Variants in ZNF445 observed in about 807,000 individuals in gnomAD.
ZNF445 encodes zinc finger protein 168.
A neutral mutation model predicts 93.9 loss-of-function variants in ZNF445; 19 were observed. The observed-to-expected ratio is 0.20, with a 90% CI of 0.14 to 0.30. The LOEUF (loss-of-function observed/expected upper bound fraction) is 0.30, where lower values mean the gene tolerates loss of function less well. ZNF445 is among the 10% of genes least tolerant of loss of function. The pLI is 1.00. For synonymous variants in ZNF445, 449 were observed against 446.3 expected (o/e 1.01, Z -0.08); for missense variants, 1,058 against 1,259.4 (o/e 0.84, Z 2.42).
chr3:44,448,318 A>G lies in ZNF445; in HGVS notation c.1353T>C (p.His451=), dbSNP rs1697908066. The stretch of plus-strand genomic sequence containing the variant: ...CCTTTTTGTTCCCTTTCAGTCCACT[A>G]TGAATTCTCTGATGTAGGCTGAAGC... ...IGGFSLHQRI[H]SGLKGNKKDV... The change falls in exon 8 of 8, where the codon CAT becomes CAC. Residue 451 remains histidine (H), a synonymous_variant. Transcript: ENST00000396077. 6.2e-7 allele frequency: 1 copy of G among 1,614,168 alleles called. No homozygotes were observed. Among genetic ancestry groups the G allele is most frequent in the Admixed American group, 1.7e-5 (1 of 60,028 alleles).
rs772959855 is a variant in ZNF445, at chr3:44,446,709, TA to T, written c.2961del (p.Phe987LeufsTer39). On this transcript the variant is annotated frameshift_variant, in exon 8 of 8. Transcript: ENST00000396077. LOFTEE classifies it high-confidence loss of function. This position sits in a 1 kb window ranked among gnomAD's most constrained non-coding sequence, Gnocchi z 4.2. The part of the protein sequence containing the change: ...CHKCSICGKT[F>X]NKSSQLISHK... ...TGGCTAATGAGTTGTGAACTCTTGTTAAAAGTTTTCCCACATATGCTGCATT... is the reference window on the plus strand; with the variant it reads ...TGGCTAATGAGTTGTGAACTCTTGTTAAAGTTTTCCCACATATGCTGCATT... 6.2e-7 allele frequency: 1 copy of T among 1,614,248 alleles called. No individual in the cohort carries two copies. The highest frequency in any genetic ancestry group is 8.5e-7 in the Non-Finnish European group (1 of 1,180,040).
At chr3:44,464,115 G>A (rs1259454955) in intron 1 of ZNF445, among the ~76,000 whole-genome samples, 2 of 151,928 alleles carry the variant, frequency 1.3e-5, no homozygotes, top group Non-Finnish European at 2.9e-5. Flanking sequence ...GTCGCAGTGA[G>A]ACTCCATCTC....
At chr3:44,463,480 C>CT (rs1698148489) in intron 1 of ZNF445, among the ~76,000 whole-genome samples, 1 of 152,192 alleles carries the variant, frequency 6.6e-6, no homozygotes, top group East Asian at 1.9e-4. Context: ...CCTCATGAAA[C>CT]CACAGGAATT....
chr3:44,447,654 C>T lies in ZNF445; in HGVS notation c.2017G>A (p.Gly673Ser), dbSNP rs527990182. 15 of 1,614,052 alleles carry T rather than the reference C, an allele frequency of 9.3e-6. No individual in the cohort carries two copies. The highest frequency in any genetic ancestry group is 1.6e-4 in the Middle Eastern group (1 of 6,062). ...RQSPDCSQPQ[G>S]APAVEKTFLC... ...AATGTTTTCTCCACAGCGGGAGCAC[C>T]CTGGGGCTGACTGCAGTCAGGAGAT... The change falls in exon 8 of 8, where the codon GGT (glycine) becomes AGT (serine). Residue 673 changes from glycine to serine, a missense_variant. This residue lies in a region of ZNF445 where 387 missense variants were observed against 475.7 expected (regional missense o/e 0.81). Transcript: ENST00000396077. The surrounding 1 kb of genome is among the most constrained non-coding windows in gnomAD (Gnocchi z 4.7).
rs2125677814 is a variant in ZNF445 at position 44,445,771 on chromosome 3, A to AAG, written c.*803_*804insCT. On this transcript the variant is annotated 3_prime_UTR_variant, in exon 8 of 8. Coordinates refer to ENST00000396077, the MANE Select transcript of ZNF445 (RefSeq NM_181489.6). ...GTCCACTACACACATCACCATCCAGAATACTGCGTATCCCATTTGTTTGTC... is the reference window on the plus strand; with the variant it reads ...GTCCACTACACACATCACCATCCAGAAGATACTGCGTATCCCATTTGTTTGTC... The AAG allele has an allele frequency of 2.0e-5, 3 of 152,484 alleles. No homozygotes were observed. In the East Asian group the frequency reaches 5.8e-4, roughly 29 times the overall value. 9.4% of individuals were successfully genotyped at this position (152,484 alleles called of 1,614,324 possible).
rs1356640437 is a variant in ZNF445 at position 44,442,473 on chromosome 3, CCA to C, written c.*4100_*4101del. The C allele has an allele frequency of 6.6e-6, 1 of 152,196 alleles. No individual in the cohort carries two copies. 9.4% of individuals were successfully genotyped at this position (152,196 alleles called of 1,614,324 possible). On this transcript the variant is annotated 3_prime_UTR_variant, in exon 8 of 8. Transcript: ENST00000396077. ...AATTATCGTTGTTCCACGCACTTACCCACACTTGGGCTTTCAAAAATGTGCCA... is the reference window on the plus strand; with the variant it reads ...AATTATCGTTGTTCCACGCACTTACCCACTTGGGCTTTCAAAAATGTGCCA...
intron 1 of ZNF445, among the ~76,000 whole-genome samples, chr3:44,467,537 T>C (rs992454888): frequency 6.6e-6 from 1 of 152,160 alleles, no homozygotes. Flanking sequence ...CCCCAAGTTA[T>C]CTTGGGACCT....
At chr3:44,467,933 C>G (rs921706414) in intron 1 of ZNF445, among the ~76,000 whole-genome samples, 3 of 152,162 alleles carry the variant, frequency 2.0e-5, no homozygotes, top group Non-Finnish European at 4.4e-5. Context: ...CTAATACTTT[C>G]AAATCTTTGC....
intron 6 of ZNF445, 46 bp from the exon 7 acceptor site, chr3:44,449,669 A>G: frequency 6.7e-7 from 1 of 1,493,390 alleles, no homozygotes; most frequent in Non-Finnish European, 9.3e-7. Flanking sequence ...TGGATGACAC[A>G]GAACTACTCT....
intron 1 of ZNF445, among the ~76,000 whole-genome samples, chr3:44,461,886 G>A (rs114016073): frequency 1.0e-3 from 153 of 152,258 alleles, no homozygotes; most frequent in African/African-American, 3.6e-3. Flanking sequence ...ATGGCGCAGT[G>A]AGCAGGGTCA....
intron 2 of ZNF445, among the ~76,000 whole-genome samples, chr3:44,457,220 G>C (rs573383386): frequency 6.6e-6 from 1 of 152,056 alleles, no homozygotes; most frequent in Non-Finnish European, 1.5e-5. Flanking sequence ...TGTGCTATAC[G>C]AATCACATCA....
intron 5 of ZNF445, 77 bp from the exon 6 acceptor site, chr3:44,450,650 T>TG (rs1697944442): frequency 3.2e-6 from 5 of 1,558,816 alleles, no homozygotes; most frequent in African/African-American, 2.7e-5. Flanking sequence ...GGGAATAAAC[T>TG]GGCTCTGTGT....
At chr3:44,453,657 G>GT (rs1247389129) in intron 3 of ZNF445, among the ~76,000 whole-genome samples, 1 of 152,158 alleles carries the variant, frequency 6.6e-6, no homozygotes, top group Non-Finnish European at 1.5e-5. Flanking sequence ...TTAAAAAACT[G>GT]TAACAATACA....
intron 4 of ZNF445, 72 bp from the exon 5 acceptor site, chr3:44,451,034 A>T: frequency 7.8e-7 from 1 of 1,285,736 alleles, no homozygotes; most frequent in Non-Finnish European, 1.1e-6. Context: ...TCTTCCCCCC[A>T]GTAGAGGACT....
rs200109674 is a variant in ZNF445 at position 44,436,645 on chromosome 3, GTTTT to G, written c.*9926_*9929del. 1 of 149,086 alleles carries G rather than the reference GTTTT, an allele frequency of 6.7e-6. No individual in the cohort carries two copies. The highest frequency in any genetic ancestry group is 1.5e-5 in the Non-Finnish European group (1 of 67,138). The allele number at this position is 149,086 out of a possible 1,614,324, so 9.2% of individuals were successfully genotyped here. A position where few individuals can be genotyped will look rare whatever the true frequency, so the allele number is the denominator to read the frequency against. On this transcript the variant is annotated 3_prime_UTR_variant, in exon 8 of 8. Coordinates refer to ENST00000396077, the MANE Select transcript of ZNF445 (RefSeq NM_181489.6). Reference sequence around the variant, plus strand: ...CAGTGCAGGTTATGTTTGCATTCGTGTTTTTTTTTTCTTTTGGAGATGAGTTCTC... The same window carrying G: ...CAGTGCAGGTTATGTTTGCATTCGTGTTTTTTCTTTTGGAGATGAGTTCTC...
Position 44,447,254 on chromosome 3 carries a change from T to G in ZNF445, c.2417A>C (p.Tyr806Ser). The G allele has an allele frequency of 1.2e-6, 2 of 1,614,164 alleles. No individual in the cohort carries two copies. The highest frequency in any genetic ancestry group is 1.7e-6 in the Non-Finnish European group (2 of 1,180,026). Residue 806 changes from tyrosine (Y) to serine (S), a missense_variant, in exon 8 of 8, where the codon TAC (tyrosine) becomes TCC (serine). Tyr to Ser is a moderately radical substitution (Grantham distance 144). Around this residue, in one of 3 missense-constraint regions of ZNF445, gnomAD observed 387 missense variants for 475.7 expected, o/e 0.81. Transcript: ENST00000396077. This position sits in a 1 kb window ranked among gnomAD's most constrained non-coding sequence, Gnocchi z 4.7. ...AAGAGAGTGAATCCTCTGATGTCGG[T>G]AGAGATTGGAACTCCATCTGAAGGC... ...GKAFRWSSNL[Y>S]RHQRIHSLQK...
At chr3:44,457,785 G>A (rs1055059116) in intron 2 of ZNF445, among the ~76,000 whole-genome samples, 11 of 152,048 alleles carry the variant, frequency 7.2e-5, no homozygotes, top group Admixed American at 4.6e-4. Context: ...CGTGGATCAC[G>A]AGGTCAGAAG....
chr3:44,433,741 C>T lies in ZNF445; in HGVS notation c.*12834G>A, dbSNP rs889728933. The T allele has an allele frequency of 6.6e-6, 1 of 152,296 alleles. No individual in the cohort carries two copies. Among genetic ancestry groups the T allele is most frequent in the African/African-American group, 2.4e-5 (1 of 41,466 alleles). The allele number at this position is 152,296 out of a possible 1,614,324, so 9.4% of individuals were successfully genotyped here. On this transcript the variant is annotated 3_prime_UTR_variant, in exon 8 of 8. Coordinates refer to ENST00000396077, the MANE Select transcript of ZNF445 (RefSeq NM_181489.6). ...GCAAAAGCATCTCCATCAGGCAGGA[C>T]TGGCTTCACAGGCAGGCAGCCTGGG...
intron 1 of ZNF445, among the ~76,000 whole-genome samples, chr3:44,469,502 C>T (rs1423430111): frequency 6.6e-6 from 1 of 152,200 alleles, no homozygotes; most frequent in Non-Finnish European, 1.5e-5. Context: ...GGCATGGTGG[C>T]TTGCACCTGT....
Sources: allele counts gnomAD v4.1 joint callset (sites outside exome capture counted in the v4.1 genomes callset), GRCh38; gene constraint gnomAD v4.1.1; regional missense constraint gnomAD v4.1.1; non-coding constraint Gnocchi (gnomAD v3.1); transcripts MANE v1.5; gene names NCBI Gene and HGNC (gene_info 2026-07-23, HGNC 2026-07-21).